Variants in TGFB2 observed in about 807,000 individuals in gnomAD.
TGFB2 encodes transforming growth factor beta 2, also known as transforming growth factor beta-2 proprotein.
A neutral mutation model predicts 42.7 loss-of-function variants in TGFB2; 13 were observed. The ratio of observed to expected loss-of-function variants is 0.30; its 90% confidence interval spans 0.20 to 0.48. TGFB2 has a LOEUF of 0.48. TGFB2 is among the 20% of genes least tolerant of loss of function. The pLI, the probability that TGFB2 is intolerant of heterozygous loss-of-function variation, is 0.99. For synonymous variants in TGFB2, 193 were observed against 193.6 expected, an observed-to-expected ratio of 1.00 and a Z score of 0.03; for missense variants, 390 against 517.5, an observed-to-expected ratio of 0.75 and a Z score of 2.39.
rs574353261 is a variant in TGFB2 at position 218,413,141 on chromosome 1, G to A, written c.510+7809G>A. On this transcript the variant is annotated intron_variant, in intron 2 of 6. Transcript: ENST00000366930. ...AATCCCAGCACTTTGGGAGGCTGAGGCAGGTGGATTGCTTGAGCCCAGGAG... is the reference window on the plus strand; with the variant it reads ...AATCCCAGCACTTTGGGAGGCTGAGACAGGTGGATTGCTTGAGCCCAGGAG... Among the ~76,000 whole-genome samples the A allele has an allele frequency of 1.4e-4, 21 of 152,276 alleles. No individual in the cohort carries two copies. The South Asian group carries it at 2.5e-3, about 18-fold the overall frequency.
At chr1:218,366,243 G>A (rs965518583) in intron 1 of TGFB2, among the ~76,000 whole-genome samples, 3 of 152,158 alleles carry the variant, frequency 2.0e-5, no homozygotes, top group African/African-American at 7.2e-5. Flanking sequence ...TTTAAAAAGA[G>A]TATTTACTGA....
chr1:218,394,647 T>C (rs1658437750), intron 1 of TGFB2, among the ~76,000 whole-genome samples: 1 of 152,104 alleles, frequency 6.6e-6, no homozygotes, highest in South Asian at 2.1e-4. Context: ...GACTCTGTCT[T>C]TACATAGCAG....
intron 1 of TGFB2, among the ~76,000 whole-genome samples, chr1:218,368,069 G>A (rs1274270671): frequency 6.6e-6 from 1 of 152,150 alleles, no homozygotes; most frequent in African/African-American, 2.4e-5. Flanking sequence ...CCAAAGTGCT[G>A]GAATCACAGG....
At chr1:218,433,990 G>A in intron 2 of TGFB2, 92 bp from the exon 3 acceptor site, 2 of 1,521,380 alleles carry the variant, frequency 1.3e-6, no homozygotes, top group Non-Finnish European at 1.8e-6. Flanking sequence ...GCTAAATTTA[G>A]GTAATGAATT....
intron 1 of TGFB2, among the ~76,000 whole-genome samples, chr1:218,361,613 A>G (rs1166286670): frequency 1.3e-5 from 2 of 152,184 alleles, no homozygotes; most frequent in East Asian, 3.8e-4. Context: ...TTGCTAACCA[A>G]GTGACTTACT....
chr1:218,432,284 C>G (rs993397767), intron 2 of TGFB2, among the ~76,000 whole-genome samples: 2 of 152,158 alleles, frequency 1.3e-5, no homozygotes, highest in Non-Finnish European at 2.9e-5. Context: ...ACCCAGCCCT[C>G]AAGTCATGTT....
Position 218,434,465 on chromosome 1 carries a change from C to T in TGFB2, c.754+17C>T. 6.7e-7 allele frequency: 1 copy of T among 1,492,038 alleles called. No homozygotes were observed. The highest frequency in any genetic ancestry group is 9.3e-7 in the Non-Finnish European group (1 of 1,070,572). The allele number at this position is 1,492,038 out of a possible 1,614,324, so 92.4% of individuals were successfully genotyped here. ...GATTTGCAGGTAACCAAAACTTGGTCATATGAGGTGGGGGAGGGAAGGGTC... is the reference window on the plus strand; with the variant it reads ...GATTTGCAGGTAACCAAAACTTGGTTATATGAGGTGGGGGAGGGAAGGGTC... On this transcript the variant is annotated intron_variant, in intron 4 of 6. Transcript: ENST00000366930.
chr1:218,405,446 C>T, intron 2 of TGFB2, 114 bp downstream of exon 2: 4 of 1,563,424 alleles, frequency 2.6e-6, no homozygotes, highest in Non-Finnish European at 2.6e-6. Context: ...CTCACTGCAA[C>T]CTTGAACTCC....
At chr1:218,426,628 A>G (rs1659633370) in intron 2 of TGFB2, among the ~76,000 whole-genome samples, 1 of 152,200 alleles carries the variant, frequency 6.6e-6, no homozygotes, top group South Asian at 2.1e-4. Context: ...TAAGCCAAAG[A>G]CAGCTAAATC....
At chr1:218,347,078 A>C (rs1236386145) in intron 1 of TGFB2, 31 bp downstream of exon 1, 5 of 1,545,670 alleles carry the variant, frequency 3.2e-6, no homozygotes, top group Non-Finnish European at 3.5e-6. Flanking sequence ...CCATCCCCTG[A>C]GGTTTAGCTC....
At chr1:218,410,588 G>C (rs1389798537) in intron 2 of TGFB2, among the ~76,000 whole-genome samples, 1 of 152,188 alleles carries the variant, frequency 6.6e-6, no homozygotes, top group Non-Finnish European at 1.5e-5. Context: ...GAATATGAGA[G>C]GGATAAAGTG....
intron 1 of TGFB2, among the ~76,000 whole-genome samples, chr1:218,392,093 T>C (rs912251615): frequency 6.6e-6 from 1 of 152,196 alleles, no homozygotes; most frequent in African/African-American, 2.4e-5. Context: ...GGCTCACGCC[T>C]GTAATCCCAG....
intron 6 of TGFB2, 29 bp downstream of exon 6, chr1:218,437,525 G>C (rs1660011317): frequency 1.9e-6 from 3 of 1,582,890 alleles, no homozygotes; most frequent in East Asian, 4.5e-5. Context: ...TGTTGCCTCT[G>C]TTCTTGGGTT....
chr1:218,397,399 T>TA (rs1200631476), intron 1 of TGFB2, among the ~76,000 whole-genome samples: 2 of 150,888 alleles, frequency 1.3e-5, no homozygotes, highest in Non-Finnish European at 3.0e-5. Context: ...CCGTCTCTAC[T>TA]AAAAAATACA....
intron 1 of TGFB2, among the ~76,000 whole-genome samples, chr1:218,404,015 A>T (rs1056398512): frequency 2.5e-4 from 36 of 146,908 alleles, no homozygotes; most frequent in African/African-American, 9.1e-4. Context: ...GTCTTTGTAT[A>T]GCCTCAGTTG....
Position 218,347,010 on chromosome 1 carries a change from T to G in TGFB2, c.309T>G (p.Val103=). ...ACGAAGAGTACTACGCCAAGGAGGT[T>G]TACAAAATAGACATGCCGCCCTTCT... The part of the protein sequence containing the change: ...RSDEEYYAKE[V]YKIDMPPFFP... The change falls in exon 1 of 7, where the codon GTT becomes GTG. Residue 103 remains valine, a synonymous_variant. Transcript: ENST00000366930. 6.2e-7 allele frequency: 1 copy of G among 1,608,050 alleles called. No homozygotes were observed.
At chr1:218,426,394 A>G (rs886639636) in intron 2 of TGFB2, among the ~76,000 whole-genome samples, 5 of 152,114 alleles carry the variant, frequency 3.3e-5, no homozygotes, top group African/African-American at 1.2e-4. Context: ...CCCTCAAACT[A>G]TTGGGTAACA....
chr1:218,368,075 A>G (rs1657445736), intron 1 of TGFB2, among the ~76,000 whole-genome samples: 1 of 152,136 alleles, frequency 6.6e-6, no homozygotes, highest in Non-Finnish European at 1.5e-5. Flanking sequence ...TGCTGGAATC[A>G]CAGGCATGAG....
intron 1 of TGFB2, among the ~76,000 whole-genome samples, chr1:218,378,030 C>A (rs1179288475): frequency 1.3e-5 from 2 of 152,244 alleles, no homozygotes; most frequent in East Asian, 3.9e-4. Context: ...GGCTGGAGTG[C>A]AGTGGTGCCA....
Sources: gnomAD v4.1 joint callset for allele counts (sites outside exome capture counted in the v4.1 genomes callset) on GRCh38, gnomAD v4.1.1 for gene constraint, MANE v1.5 for transcripts, NCBI Gene and HGNC (gene_info 2026-07-23, HGNC 2026-07-21) for gene names.